CACNA2D3: variants seen among roughly 807,000 people sequenced by gnomAD.
CACNA2D3 encodes voltage-dependent calcium channel subunit alpha-2/delta-3.
Under a neutral mutation model 160.6 loss-of-function variants are expected in CACNA2D3, and 60 were observed. That is an observed-to-expected ratio of 0.37 (90% CI 0.30 to 0.46). CACNA2D3 has a LOEUF of 0.46. Among genes scored for constraint, CACNA2D3 ranks in the 20% least tolerant of loss-of-function variants. The pLI, the probability that CACNA2D3 is intolerant of heterozygous loss-of-function variation, is 1.00. For missense variants in CACNA2D3, 1,205 were observed against 1,365.0 expected, an observed-to-expected ratio of 0.88 and a Z score of 1.85; for synonymous variants, 558 against 492.9, an observed-to-expected ratio of 1.13 and a Z score of -1.75.
At chr3:54,159,121 AT>A (rs1294520513) in intron 2 of CACNA2D3, among the ~76,000 whole-genome samples, 1 of 152,176 alleles carries the variant, frequency 6.6e-6, no homozygotes, top group Non-Finnish European at 1.5e-5. Context: ...TGCCTGGATC[AT>A]TTATTTTCTG....
chr3:54,417,274 C>T (rs1699767736), intron 4 of CACNA2D3, among the ~76,000 whole-genome samples: 1 of 152,144 alleles, frequency 6.6e-6, no homozygotes, highest in Admixed American at 6.5e-5. Context: ...CAATTGGGAA[C>T]ACAAAGCAAA....
chr3:54,403,355 A>AG (rs1420485791), intron 4 of CACNA2D3, among the ~76,000 whole-genome samples: 17 of 84,468 alleles, frequency 2.0e-4, no homozygotes, highest in Non-Finnish European at 3.8e-4. Flanking sequence ...ACCCTATCTC[A>AG]AACACACACA....
At chr3:54,789,597 T>C (rs1349949834) in intron 13 of CACNA2D3, among the ~76,000 whole-genome samples, 6 of 152,166 alleles carry the variant, frequency 3.9e-5, no homozygotes, top group African/African-American at 1.2e-4. Context: ...AATCAAACTG[T>C]TTTGCCAAGC....
chr3:54,654,173 C>T (rs545190504), intron 11 of CACNA2D3, among the ~76,000 whole-genome samples: 26 of 152,148 alleles, frequency 1.7e-4, no homozygotes, highest in African/African-American at 5.8e-4. Context: ...TTGGAGTCAC[C>T]GAGGGGTTGG....
At chr3:54,283,976 T>C (rs979060174) in intron 2 of CACNA2D3, among the ~76,000 whole-genome samples, 1 of 152,112 alleles carries the variant, frequency 6.6e-6, no homozygotes, top group African/African-American at 2.4e-5. Context: ...GCACGGGAAT[T>C]GCTTGAACAC....
chr3:54,614,305 A>G (rs557344130), intron 9 of CACNA2D3, among the ~76,000 whole-genome samples: 9 of 152,178 alleles, frequency 5.9e-5, no homozygotes, highest in Non-Finnish European at 1.3e-4. Context: ...TCACTATGGT[A>G]CTGGCCCAGG....
intron 4 of CACNA2D3, among the ~76,000 whole-genome samples, chr3:54,476,652 G>T (rs1700836427): frequency 6.6e-6 from 1 of 152,140 alleles, no homozygotes; most frequent in African/African-American, 2.4e-5. Flanking sequence ...TTTCCCTGGT[G>T]ATTAGTGATG....
At chr3:55,004,971 T>TAA (rs56926640) in intron 32 of CACNA2D3, 133 bp downstream of exon 32, 476 of 508,502 alleles carry the variant, frequency 9.4e-4, no homozygotes, top group South Asian at 2.2e-3. Context: ...TTTACTCACT[T>TAA]AAAAAAAAAA....
At chr3:54,639,645 C>G (rs1699464222) in intron 10 of CACNA2D3, 1 of 249,212 alleles carries the variant, frequency 4.0e-6, no homozygotes, top group Admixed American at 5.3e-5. Flanking sequence ...GCTGGTTGGT[C>G]TGAGGACCTG....
intron 14 of CACNA2D3, among the ~76,000 whole-genome samples, chr3:54,833,596 A>G (rs1703926098): frequency 1.3e-5 from 2 of 151,996 alleles, no homozygotes; most frequent in Non-Finnish European, 2.9e-5. Flanking sequence ...CTGGGAAAAA[A>G]AAAACAAAAC....
chr3:54,242,602 G>A (rs1461119055), intron 2 of CACNA2D3, among the ~76,000 whole-genome samples: 2 of 152,274 alleles, frequency 1.3e-5, no homozygotes, highest in East Asian at 1.9e-4. Flanking sequence ...CAATCTGCTC[G>A]CCCAGGCAGC....
intron 11 of CACNA2D3, among the ~76,000 whole-genome samples, chr3:54,661,838 ATGTGTGTATG>A (rs1295488633): frequency 0.059 from 8,696 of 146,716 alleles, 829 homozygotes; most frequent in African/African-American, 0.2. Context: ...CATCTCAGGG[ATGTGTGTATG>A]TGTGTGTGTG....
At position 54,969,817 on chromosome 3, in the gene CACNA2D3, C is replaced by G; in HGVS notation, c.2529C>G (p.Gly843=). ...CTTCACAGTGTGCTTCCCTGGATGG[C>G]AAATGCTCCATCAGCTGTGATGATG... ...TASRQCASLD[G]KCSISCDDET... Residue 843 remains glycine (G), a synonymous_variant, in exon 29 of 38, where the codon GGC becomes GGG. Transcript: ENST00000474759. The G allele has an allele frequency of 1.9e-6, 3 of 1,613,486 alleles. No individual in the cohort carries two copies. Among genetic ancestry groups the G allele is most frequent in the Non-Finnish European group, 2.5e-6 (3 of 1,179,650 alleles).
At chr3:54,676,651 A>G (rs919151827) in intron 11 of CACNA2D3, among the ~76,000 whole-genome samples, 12 of 152,212 alleles carry the variant, frequency 7.9e-5, no homozygotes, top group African/African-American at 2.4e-4. Flanking sequence ...CAGGAATCCC[A>G]GTGAGCAGAG....
At chr3:54,956,305 C>A (rs1233412471) in intron 27 of CACNA2D3, among the ~76,000 whole-genome samples, 1 of 152,212 alleles carries the variant, frequency 6.6e-6, no homozygotes, top group Non-Finnish European at 1.5e-5. Context: ...GTGTAGTCAT[C>A]CTTTCCATGT....
chr3:54,753,696 T>C (rs528496494), intron 12 of CACNA2D3, among the ~76,000 whole-genome samples: 29 of 152,368 alleles, frequency 1.9e-4, no homozygotes, highest in African/African-American at 6.7e-4. Context: ...CTCAATGTTC[T>C]AATACTCAAA....
intron 27 of CACNA2D3, among the ~76,000 whole-genome samples, chr3:54,933,742 A>G (rs1350339832): frequency 6.7e-6 from 1 of 149,610 alleles, no homozygotes; most frequent in African/African-American, 2.5e-5. Flanking sequence ...TATTGAATGA[A>G]TAAAGATATT....
rs145378631 is a variant in CACNA2D3, at chr3:54,200,405, A to G, written c.204+76811A>G. Among the ~76,000 whole-genome samples the G allele has an allele frequency of 2.6e-5, 4 of 152,358 alleles. No individual in the cohort carries two copies. In the East Asian group the frequency reaches 5.8e-4, roughly 22 times the overall value. On this transcript the variant is annotated intron_variant, in intron 2 of 37. Transcript: ENST00000474759. ...TCAGTAATTTCTCACAAAATGCTCT[A>G]TTAAGTTTCTGTTGCCCCAGCCCCT...
At chr3:54,997,081 T>C (rs1231693496) in intron 31 of CACNA2D3, among the ~76,000 whole-genome samples, 1 of 152,064 alleles carries the variant, frequency 6.6e-6, no homozygotes, top group Non-Finnish European at 1.5e-5. Flanking sequence ...AGATGATGGG[T>C]TGATGGGTGT....
Sources: gnomAD v4.1 joint callset for allele counts (sites outside exome capture counted in the v4.1 genomes callset) on GRCh38, gnomAD v4.1.1 for gene constraint, MANE v1.5 for transcripts, NCBI Gene and HGNC (gene_info 2026-07-23, HGNC 2026-07-21) for gene names.